Variants in POC1A observed in about 807,000 individuals in gnomAD.
POC1A encodes POC1 centriolar protein A, also known as POC1 centriolar protein homolog A.
In POC1A, 34 loss-of-function variants were observed where a neutral mutation model predicts 47.8. The ratio of observed to expected loss-of-function variants is 0.71; its 90% CI spans 0.54 to 0.95. The LOEUF (loss-of-function observed/expected upper bound fraction) is 0.95, where lower values mean the gene tolerates loss of function less well. Among genes scored for constraint, POC1A ranks in the 40% least tolerant of loss-of-function variants. The probability of loss-of-function intolerance (pLI) is 0.00; values close to 1 mark genes in which losing one functional copy is unlikely to be tolerated. For missense variants in POC1A, 466 were observed against 528.3 expected (o/e 0.88, Z 1.16); for synonymous variants, 177 against 207.6 (o/e 0.85, Z 1.27).
chr3:52,097,459 C>G (rs1702857977), intron 9 of POC1A, among the ~76,000 whole-genome samples: 1 of 152,194 alleles, frequency 6.6e-6, no homozygotes, highest in Admixed American at 6.5e-5. Context: ...AAAGTCAGCT[C>G]CTTGCCTTAT....
chr3:52,090,860 TG>T lies in POC1A; in HGVS notation c.1125+5708del, dbSNP rs1299642432. On this transcript the variant is annotated intron_variant, in intron 10 of 10. Transcript: ENST00000296484. This position sits in a 1 kb window ranked among gnomAD's most constrained non-coding sequence, Gnocchi z 4.2. ...GTGCTCAGAATGGAGGAGCCTGGCC[TG>T]GGGGGCAGGCAGATGAAAAGGCCCC... Among the ~76,000 whole-genome samples the T allele has an allele frequency of 2.0e-5, 3 of 152,098 alleles. No individual in the cohort carries two copies. In the East Asian group the frequency reaches 5.8e-4, roughly 29 times the overall value.
At chr3:52,118,136 G>A (rs779980373) in intron 9 of POC1A, among the ~76,000 whole-genome samples, 5 of 152,110 alleles carry the variant, frequency 3.3e-5, no homozygotes, top group Non-Finnish European at 5.9e-5. Context: ...CCTCTGGGAG[G>A]TGCTCATTTG....
chr3:52,081,918 G>A (rs950082818), intron 10 of POC1A, among the ~76,000 whole-genome samples: 1 of 152,134 alleles, frequency 6.6e-6, no homozygotes, highest in Non-Finnish European at 1.5e-5. Flanking sequence ...CGAAGCACCA[G>A]TACCTGGTGA....
At chr3:52,126,915 T>C (rs1413277402) in intron 7 of POC1A, among the ~76,000 whole-genome samples, 2 of 152,194 alleles carry the variant, frequency 1.3e-5, no homozygotes, top group East Asian at 3.8e-4. Context: ...ACACTGGGGA[T>C]CAAGTTTCTA....
intron 9 of POC1A, among the ~76,000 whole-genome samples, chr3:52,104,177 A>C (rs1238605709): frequency 1.3e-5 from 2 of 152,248 alleles, no homozygotes; most frequent in Non-Finnish European, 2.9e-5. Context: ...AATGTGGGTC[A>C]ATCTCAAAAT....
At position 52,145,696 on chromosome 3, in the gene POC1A, T is replaced by G. The variant is rs1057132542; in HGVS notation, c.679+150A>C. The G allele has an allele frequency of 1.5e-5, 9 of 585,300 alleles. No individual in the cohort carries two copies. The Admixed American group carries it at 2.6e-4, about 17-fold the overall frequency. The allele number at this position is 585,300 out of a possible 1,614,324, so 36.3% of individuals were successfully genotyped here. A position where few individuals can be genotyped will look rare whatever the true frequency, so the allele number is the denominator to read the frequency against. ...AAGCCAGGCCAGCCATGCCACAGAC[T>G]CCCACCCCTGGAATCCCAACAAACC... On this transcript the variant is annotated intron_variant, in intron 6 of 10. Transcript: ENST00000296484.
At chr3:52,118,183 T>C (rs1163730209) in intron 9 of POC1A, among the ~76,000 whole-genome samples, 1 of 152,092 alleles carries the variant, frequency 6.6e-6, no homozygotes, top group Admixed American at 6.5e-5. Flanking sequence ...CCCAGCCTTG[T>C]AGCATGTCAC....
At chr3:52,078,045 C>T (rs903943435) in intron 10 of POC1A, among the ~76,000 whole-genome samples, 1 of 152,206 alleles carries the variant, frequency 6.6e-6, no homozygotes, top group Non-Finnish European at 1.5e-5. Flanking sequence ...AGGCCTTCCT[C>T]TGAGAGCTTT....
chr3:52,079,177 A>G lies in POC1A; in HGVS notation c.1126-3192T>C, dbSNP rs978444324. On this transcript the variant is annotated intron_variant, in intron 10 of 10. Coordinates refer to ENST00000296484, the MANE Select transcript of POC1A (RefSeq NM_015426.5). The surrounding 1 kb of genome is among the most constrained non-coding windows in gnomAD (Gnocchi z 4.6). ...ATATGATCTTTACCTGTCGGTTCAC[A>G]ACAAAAAGTAAGCACATCCCCACAT... Among the ~76,000 whole-genome samples the G allele has an allele frequency of 2.6e-5, 4 of 152,258 alleles. No homozygotes were observed. The highest frequency in any genetic ancestry group is 9.6e-5 in the African/African-American group (4 of 41,472).
intron 9 of POC1A, among the ~76,000 whole-genome samples, chr3:52,108,970 C>T (rs578233720): frequency 1.5e-3 from 229 of 152,258 alleles, no homozygotes; most frequent in Non-Finnish European, 1.8e-3. Flanking sequence ...CAGGAAGGAG[C>T]GAGGAGCTCA....
At chr3:52,153,864 AG>A (rs1429123392) in intron 1 of POC1A, among the ~76,000 whole-genome samples, 4 of 152,256 alleles carry the variant, frequency 2.6e-5, no homozygotes, top group African/African-American at 7.2e-5. Flanking sequence ...GCCCGTTCAA[AG>A]GAATCTCTCG....
intron 6 of POC1A, among the ~76,000 whole-genome samples, chr3:52,143,998 C>G (rs577401832): frequency 4.0e-4 from 61 of 152,376 alleles, no homozygotes; most frequent in Admixed American, 2.5e-3. Flanking sequence ...TAGACATCCT[C>G]TCTGCCCAGT....
intron 8 of POC1A, among the ~76,000 whole-genome samples, chr3:52,124,758 A>G (rs897417916): frequency 6.6e-6 from 1 of 152,252 alleles, no homozygotes; most frequent in Non-Finnish European, 1.5e-5. Flanking sequence ...GGCCTAAAGT[A>G]AGATCATATT....
At chr3:52,098,002 G>C (rs1244556761) in intron 9 of POC1A, among the ~76,000 whole-genome samples, 1 of 152,226 alleles carries the variant, frequency 6.6e-6, no homozygotes, top group African/African-American at 2.4e-5. Context: ...CCCAGACTAA[G>C]GCAGTTCTGT....
At chr3:52,093,298 C>T (rs974197739) in intron 10 of POC1A, among the ~76,000 whole-genome samples, 1 of 152,170 alleles carries the variant, frequency 6.6e-6, no homozygotes, top group African/African-American at 2.4e-5. Flanking sequence ...TCACACAGGG[C>T]CCACCACACA....
At chr3:52,096,423 T>C in intron 10 of POC1A, 146 bp downstream of exon 10, 1 of 711,612 alleles carries the variant, frequency 1.4e-6, no homozygotes, top group Non-Finnish European at 2.2e-6. Context: ...GGGAAGGCTC[T>C]GCAATGTCAT....
Position 52,149,315 on chromosome 3 carries a change from G to A in POC1A, c.350C>T (p.Ser117Phe). 6.2e-7 allele frequency: 1 copy of A among 1,614,158 alleles called. No homozygotes were observed. The highest frequency in any genetic ancestry group is 8.5e-7 in the Non-Finnish European group (1 of 1,180,000). Reference sequence around the variant, plus strand: ...CTTGTCGTCAGAGGCTGTCACGAAGGACTGGCCATCACTGCAGAAGTGGAC... The same window carrying A: ...CTTGTCGTCAGAGGCTGTCACGAAGAACTGGCCATCACTGCAGAAGTGGAC... ...RSVHFCSDGQ[S>F]FVTASDDKTV... Residue 117 changes from serine to phenylalanine, a missense_variant, in exon 4 of 11, where the codon TCC becomes TTC. Transcript: ENST00000296484.
intron 9 of POC1A, among the ~76,000 whole-genome samples, chr3:52,109,202 A>G (rs531572026): frequency 4.3e-4 from 66 of 152,342 alleles, no homozygotes; most frequent in African/African-American, 1.5e-3. Flanking sequence ...TGTGGACTAG[A>G]TATCTGATAT....
At position 52,086,558 on chromosome 3, in the gene POC1A, G is replaced by A. The variant is rs547457258; in HGVS notation, c.1125+10011C>T. 1.0e-3 allele frequency among the ~76,000 whole-genome samples: 153 copies of A among 152,364 alleles called. 2 individuals carry two copies. Among genetic ancestry groups the A allele is most frequent in the African/African-American group, 3.5e-3 (144 of 41,584 alleles). On this transcript the variant is annotated intron_variant, in intron 10 of 10. Transcript: ENST00000296484. ...GCCAACTCCAGCTTTGTCACTTGGTGTAAGCCTGTGTGCGTACACACGCAG... is the reference window on the plus strand; with the variant it reads ...GCCAACTCCAGCTTTGTCACTTGGTATAAGCCTGTGTGCGTACACACGCAG...
Sources: allele counts gnomAD v4.1 joint callset (sites outside exome capture counted in the v4.1 genomes callset), GRCh38; gene constraint gnomAD v4.1.1; non-coding constraint Gnocchi (gnomAD v3.1); transcripts MANE v1.5; gene names NCBI Gene and HGNC (gene_info 2026-07-23, HGNC 2026-07-21).